FRMD8: variants seen among roughly 807,000 people sequenced by gnomAD.
FRMD8 encodes the protein FERM domain-containing protein 8.
Under a neutral mutation model 54.2 loss-of-function variants are expected in FRMD8, and 37 were observed. That is an observed-to-expected ratio of 0.68 (90% CI 0.53 to 0.90). The LOEUF (loss-of-function observed/expected upper bound fraction) is 0.90, where lower values mean the gene tolerates loss of function less well. Ranked by LOEUF, FRMD8 falls within the 40% of genes least tolerant of loss-of-function variation. The pLI is 0.00. For missense variants in FRMD8, 585 were observed against 653.7 expected (o/e 0.89, Z 1.15); for synonymous variants, 246 against 286.9 (o/e 0.86, Z 1.44).
chr11:65,406,117 TC>T (rs1856190671), intron 10 of FRMD8, among the ~76,000 whole-genome samples: 1 of 151,160 alleles, frequency 6.6e-6, no homozygotes, highest in African/African-American at 2.4e-5. Flanking sequence ...AACCTCCGCC[TC>T]CCCAGTTCTA....
chr11:65,390,568 C>G lies in FRMD8; in HGVS notation c.253+1040C>G, dbSNP rs546324205. Reference sequence around the variant, plus strand: ...TCATCCTTCTCTCCACCCCCTCCCCCCTGCCAGTAGGAGCTTCCTGCTCAG... The same window carrying G: ...TCATCCTTCTCTCCACCCCCTCCCCGCTGCCAGTAGGAGCTTCCTGCTCAG... On this transcript the variant is annotated intron_variant, in intron 3 of 10. Coordinates refer to ENST00000317568, the MANE Select transcript of FRMD8 (RefSeq NM_031904.5). Among the ~76,000 whole-genome samples, 36 of 151,994 alleles carry G rather than the reference C, an allele frequency of 2.4e-4. 1 individual carries two copies. Among genetic ancestry groups the G allele is most frequent in the Admixed American group, 6.6e-4 (10 of 15,254 alleles).
At chr11:65,406,529 C>G (rs574671798) in intron 10 of FRMD8, among the ~76,000 whole-genome samples, 1 of 151,532 alleles carries the variant, frequency 6.6e-6, no homozygotes, top group East Asian at 2.0e-4. Context: ...GGGGTTTCAC[C>G]GTGTTAGCCA....
the FRMD8 span, chr11:65,378,979 C>G: frequency 4.3e-6 from 1 of 231,384 alleles, no homozygotes; most frequent in African/African-American, 2.4e-5. Context: ...AGGACCTCAT[C>G]AGGACCCGGC....
chr11:65,402,688 T>C (rs974858928), intron 9 of FRMD8, among the ~76,000 whole-genome samples: 26 of 152,350 alleles, frequency 1.7e-4, no homozygotes, highest in Admixed American at 1.6e-3. Context: ...TCGGAGGTCA[T>C]TGACCTCTTA....
In FRMD8 at chr11:65,411,292, C is replaced by T. The variant is rs56060114; in HGVS notation, c.1327C>T (p.Arg443Trp). 6.2e-6 allele frequency: 10 copies of T among 1,609,580 alleles called. No individual in the cohort carries two copies. Among genetic ancestry groups the T allele is most frequent in the East Asian group, 4.5e-5 (2 of 44,802 alleles). ...GAAGCGCACCACATCCTTCTTCAGC[C>T]GGCAGCTGTCCTTGGGCCAGGGGAG... ...KPKRTTSFFS[R>W]QLSLGQGSYT... The change falls in exon 11 of 11, where the codon CGG becomes TGG. Residue 443 changes from arginine (R) to tryptophan (W), a missense_variant. Transcript: ENST00000317568.
intron 3 of FRMD8, among the ~76,000 whole-genome samples, chr11:65,393,207 A>G (rs1855877466): frequency 6.6e-6 from 1 of 152,130 alleles, no homozygotes; most frequent in African/African-American, 2.4e-5. Context: ...CCAGTTGTCA[A>G]TTTCCAGTTC....
At chr11:65,389,656 T>G (rs1855804613) in intron 3 of FRMD8, 128 bp downstream of exon 3, 1 of 1,002,602 alleles carries the variant, frequency 1.0e-6, no homozygotes. Context: ...AGGTGGGACT[T>G]GGGTTTATCC....
intron 7 of FRMD8, among the ~76,000 whole-genome samples, chr11:65,398,616 A>G (rs1054342310): frequency 9.2e-5 from 14 of 152,366 alleles, no homozygotes; most frequent in Admixed American, 5.9e-4. Flanking sequence ...GGATGGAGAC[A>G]GTGAGTGTGA....
Position 65,399,869 on chromosome 11 carries a change from C to G in FRMD8, c.927+10C>G. 6.2e-7 allele frequency: 1 copy of G among 1,608,728 alleles called. No individual in the cohort carries two copies. Among genetic ancestry groups the G allele is most frequent in the East Asian group, 2.2e-5 (1 of 44,738 alleles). Reference sequence around the variant, plus strand: ...CGATAGCAGAGAGAAGGTACTGCCCCCAGCTCCTCCAGGGTGGAGAGGATG... The same window carrying G: ...CGATAGCAGAGAGAAGGTACTGCCCGCAGCTCCTCCAGGGTGGAGAGGATG... On this transcript the variant is annotated intron_variant, in intron 8 of 10. Transcript: ENST00000317568.
At chr11:65,382,152 T>G, upstream of FRMD8, 1 of 618,802 alleles carries the variant, frequency 1.6e-6, no homozygotes. The surrounding 1 kb of genome is among the most constrained non-coding windows in gnomAD (Gnocchi z 4.4). Flanking sequence ...CCTGGAGGAG[T>G]CGTGCAGAGT....
At chr11:65,374,500 T>C in the FRMD8 span, among the ~76,000 whole-genome samples, 1 of 152,190 alleles carries the variant, frequency 6.6e-6, no homozygotes, top group African/African-American at 2.4e-5. Flanking sequence ...AACACTGTGA[T>C]TGTTTCTACA....
chr11:65,407,794 G>GA (rs1856236480), intron 10 of FRMD8, among the ~76,000 whole-genome samples: 1 of 150,452 alleles, frequency 6.6e-6, no homozygotes, highest in Non-Finnish European at 1.5e-5. Flanking sequence ...CTACTCGGGA[G>GA]AATGGCGTGA....
At chr11:65,380,012 C>T in the FRMD8 span, 32 of 1,594,982 alleles carry the variant, frequency 2.0e-5, 1 homozygote, top group African/African-American at 1.3e-4. Flanking sequence ...CCCCCTCAAG[C>T]GGGATGCCAA....
intron 7 of FRMD8, among the ~76,000 whole-genome samples, chr11:65,399,151 C>T (rs1385977454): frequency 2.0e-5 from 3 of 152,118 alleles, no homozygotes; most frequent in Admixed American, 1.3e-4. Flanking sequence ...GTGCCCACCA[C>T]CATGCCCGGC....
chr11:65,372,883 C>T, the FRMD8 span, among the ~76,000 whole-genome samples: 1 of 152,196 alleles, frequency 6.6e-6, no homozygotes, highest in Non-Finnish European at 1.5e-5. Context: ...TGTACCATCG[C>T]TGCAATGTCC....
the FRMD8 span, among the ~76,000 whole-genome samples, chr11:65,371,143 C>T: frequency 6.6e-6 from 1 of 152,280 alleles, no homozygotes; most frequent in East Asian, 1.9e-4. Flanking sequence ...AGTTAAGTCA[C>T]ATTCACAGCA....
chr11:65,394,697 G>A (rs1285775095), intron 6 of FRMD8, among the ~76,000 whole-genome samples: 1 of 152,194 alleles, frequency 6.6e-6, no homozygotes, highest in East Asian at 1.9e-4. Context: ...GAGGAGCTGG[G>A]CTTTTGGAGT....
At chr11:65,408,881 G>A (rs1204886557) in intron 10 of FRMD8, among the ~76,000 whole-genome samples, 2 of 151,588 alleles carry the variant, frequency 1.3e-5, no homozygotes. Flanking sequence ...AAAGTGCTGG[G>A]ATTACAGATG....
intron 7 of FRMD8, 89 bp downstream of exon 7, chr11:65,397,109 T>C: frequency 1.4e-6 from 1 of 707,958 alleles, no homozygotes; most frequent in South Asian, 2.3e-5. Context: ...CCACCTCTGC[T>C]CCAGCTGAGC....
Sources: gnomAD v4.1 joint callset for allele counts (sites outside exome capture counted in the v4.1 genomes callset) on GRCh38, gnomAD v4.1.1 for gene constraint, Gnocchi (gnomAD v3.1) non-coding constraint, MANE v1.5 for transcripts, NCBI Gene and HGNC (gene_info 2026-07-23, HGNC 2026-07-21) for gene names.